The following STK25 variants were observed in gnomAD, a reference collection of about 807,000 sequenced individuals.
STK25 encodes serine/threonine kinase 25, also known as serine/threonine-protein kinase 25.
A neutral mutation model predicts 53.8 loss-of-function variants in STK25; 29 were observed. That is an observed-to-expected ratio of 0.54 (90% confidence interval 0.40 to 0.74). The LOEUF (loss-of-function observed/expected upper bound fraction) is 0.74, where lower values mean the gene tolerates loss of function less well. STK25 is among the 30% of genes least tolerant of loss of function. STK25 has a pLI of 0.00. For missense variants in STK25, 420 were observed against 568.0 expected (o/e 0.74, Z 2.65); for synonymous variants, 247 against 238.3 (o/e 1.04, Z -0.33).
chr2:241,493,159 C>A lies in STK25; in HGVS notation c.*2503G>T. 8.5e-7 allele frequency: 1 copy of A among 1,170,568 alleles called. No individual in the cohort carries two copies. Among genetic ancestry groups the A allele is most frequent in the Non-Finnish European group, 1.3e-6 (1 of 793,356 alleles). The allele number at this position is 1,170,568 out of a possible 1,614,324, so 72.5% of individuals were successfully genotyped here. A position where few individuals can be genotyped will look rare whatever the true frequency, so the allele number is the denominator to read the frequency against. The stretch of plus-strand genomic sequence containing the variant: ...CCATGCTTTGCCCACACACCCTGTG[C>A]TGTGTGAACAGGGAAACTGGCTCCC... On this transcript the variant is annotated 3_prime_UTR_variant, in exon 12 of 12. Transcript: ENST00000316586.
chr2:241,493,967 A>G lies in STK25; in HGVS notation c.*1695T>C. 8.1e-7 allele frequency: 1 copy of G among 1,231,632 alleles called. No homozygotes were observed. Among genetic ancestry groups the G allele is most frequent in the Non-Finnish European group, 1.1e-6 (1 of 926,542 alleles). 76.3% of individuals were successfully genotyped at this position (1,231,632 alleles called of 1,614,324 possible). A position where few individuals can be genotyped will look rare whatever the true frequency, so the allele number is the denominator to read the frequency against. On this transcript the variant is annotated 3_prime_UTR_variant, in exon 12 of 12. Coordinates refer to ENST00000316586, the MANE Select transcript of STK25 (RefSeq NM_001271977.2). ...GTTGTTCTTGGGACAGTGTCTGAGC[A>G]CAAGATGGCTCACTGGTCTGATGGC...
At chr2:241,506,151 G>C (rs1043217686) in intron 2 of STK25, among the ~76,000 whole-genome samples, 4 of 152,230 alleles carry the variant, frequency 2.6e-5, no homozygotes, top group Non-Finnish European at 5.9e-5. Context: ...CACAGGCTAT[G>C]GGGGGAACGC....
rs776078005 is a variant in STK25 at position 241,498,998 on chromosome 2, G to A, written c.762C>T (p.Asp254=). The part of the protein sequence containing the change: ...KEFVEACLNK[D]PRFRPTAKEL... ...CAGAGGCGGGCCTTACGAATCGGGG[G>A]TCTTTGTTGAGGCAGGCCTCCACGA... is the stretch of plus-strand genomic sequence containing the variant. The change falls in exon 7 of 12, where the codon GAC becomes GAT. Residue 254 remains aspartate, a synonymous_variant. Transcript: ENST00000316586. The A allele has an allele frequency of 6.2e-7, 1 of 1,613,766 alleles. No homozygotes were observed. The highest frequency in any genetic ancestry group is 1.3e-5 in the African/African-American group (1 of 74,944).
At chr2:241,504,859 G>A (rs1007373251) in intron 2 of STK25, among the ~76,000 whole-genome samples, 5 of 151,728 alleles carry the variant, frequency 3.3e-5, no homozygotes, top group African/African-American at 4.8e-5. Flanking sequence ...AGGACCACCC[G>A]TTCCTAGCCC....
At chr2:241,499,724 T>G (rs1215606178) in intron 5 of STK25, 2 of 501,516 alleles carry the variant, frequency 4.0e-6, no homozygotes, top group Non-Finnish European at 7.3e-6. Flanking sequence ...ACCAAGGGTG[T>G]AGCCAACACG....
chr2:241,508,913 G>A (rs1364672743), upstream of STK25, among the ~76,000 whole-genome samples: 1 of 152,164 alleles, frequency 6.6e-6, no homozygotes, highest in Non-Finnish European at 1.5e-5. Context: ...CGTCGTCTCC[G>A]ACGTTACGGC....
In STK25 at chr2:241,501,529, G is replaced by T. The variant is rs762062324; in HGVS notation, c.210C>A (p.Leu70=). 9.3e-6 allele frequency: 15 copies of T among 1,614,002 alleles called. No homozygotes were observed. Among genetic ancestry groups the T allele is most frequent in the Non-Finnish European group, 1.1e-5 (13 of 1,180,052 alleles). The change falls in exon 3 of 12, where the codon CTC becomes CTA. Residue 70 remains leucine (L), a synonymous_variant. Coordinates refer to ENST00000316586, the MANE Select transcript of STK25 (RefSeq NM_001271977.2). The surrounding 1 kb of genome is among the most constrained non-coding windows in gnomAD (Gnocchi z 5.3). The part of the protein sequence containing the change: ...IEDIQQEITV[L]SQCDSPYITR... Reference sequence around the variant, plus strand: ...TGATGTAGGGGCTGTCGCACTGACTGAGGACAGTGATCTCCTGCTGGATGT... The same window carrying T: ...TGATGTAGGGGCTGTCGCACTGACTTAGGACAGTGATCTCCTGCTGGATGT...
At position 241,493,640 on chromosome 2, in the gene STK25, G is replaced by C; in HGVS notation, c.*2022C>G. On this transcript the variant is annotated 3_prime_UTR_variant, in exon 12 of 12. Coordinates refer to ENST00000316586, the MANE Select transcript of STK25 (RefSeq NM_001271977.2). ...GATGGCGTCTCCCTCTGTCACTCAG[G>C]CTGGAGTGCAGTGATACAATCTTGG... 1.7e-6 allele frequency: 1 copy of C among 593,074 alleles called. No homozygotes were observed. Among genetic ancestry groups the C allele is most frequent in the Non-Finnish European group, 3.0e-6 (1 of 334,746 alleles). 36.7% of individuals were successfully genotyped at this position (593,074 alleles called of 1,614,324 possible). A position where few individuals can be genotyped will look rare whatever the true frequency, so the allele number is the denominator to read the frequency against.
rs1296105536 is a variant in STK25, at chr2:241,498,692, C to G, written c.864G>C (p.Lys288Asn). 1.2e-6 allele frequency: 2 copies of G among 1,614,134 alleles called. No homozygotes were observed. Among genetic ancestry groups the G allele is most frequent in the South Asian group, 2.2e-5 (2 of 91,090 alleles). Residue 288 changes from lysine (K) to asparagine (N), a missense_variant, in exon 8 of 12, where the codon AAG (lysine) becomes AAC (asparagine). Lys to Asn is a moderately conservative substitution (Grantham distance 94). Transcript: ENST00000316586. ...CGCCATGCCCCTCTGACTTCCAGCG[C>G]TTATAGCGGTCGATGAGCTCCGTGA... ...SFLTELIDRY[K>N]RWKSEGHGEE...
chr2:241,499,133 G>A lies in STK25; in HGVS notation c.627C>T (p.Ala209=). 2 of 1,613,846 alleles carry A rather than the reference G, an allele frequency of 1.2e-6. No individual in the cohort carries two copies. Among genetic ancestry groups the A allele is most frequent in the Non-Finnish European group, 1.7e-6 (2 of 1,179,820 alleles). Residue 209 remains alanine (A), a synonymous_variant, in exon 7 of 12, where the codon GCC becomes GCT. Coordinates refer to ENST00000316586, the MANE Select transcript of STK25 (RefSeq NM_001271977.2). Reference sequence around the variant, plus strand: ...GGTCAGAGTTTGGAGGCTCCCCCTTGGCCAGCTCGATGGCTGTGATCCCCA... The same window carrying A: ...GGTCAGAGTTTGGAGGCTCCCCCTTAGCCAGCTCGATGGCTGTGATCCCCA... ...WSLGITAIEL[A]KGEPPNSDLH...
At chr2:241,507,891 CTCCT>C in intron 2 of STK25, 111 bp downstream of exon 2, 6 of 1,105,304 alleles carry the variant, frequency 5.4e-6, no homozygotes, top group Non-Finnish European at 7.9e-6. Context: ...ACGACGCGCG[CTCCT>C]TCCCTCACCC....
rs909877758 is a variant in STK25, at chr2:241,494,285, G to A, written c.*1377C>T. 6 of 427,094 alleles carry A rather than the reference G, an allele frequency of 1.4e-5. No homozygotes were observed. Among genetic ancestry groups the A allele is most frequent in the Non-Finnish European group, 2.1e-5 (5 of 236,980 alleles). 26.5% of individuals were successfully genotyped at this position (427,094 alleles called of 1,614,324 possible). On this transcript the variant is annotated 3_prime_UTR_variant, in exon 12 of 12. Transcript: ENST00000316586. This position sits in a 1 kb window ranked among gnomAD's most constrained non-coding sequence, Gnocchi z 4.9. Reference sequence around the variant, plus strand: ...TGGGCCTCATGTAACATCTGGGAGGGGCTTCATCCCCCCACCCAGGACCTA... The same window carrying A: ...TGGGCCTCATGTAACATCTGGGAGGAGCTTCATCCCCCCACCCAGGACCTA...
At chr2:241,502,527 C>A (rs977853005) in intron 2 of STK25, among the ~76,000 whole-genome samples, 4 of 152,146 alleles carry the variant, frequency 2.6e-5, no homozygotes, top group Non-Finnish European at 4.4e-5. Flanking sequence ...CACCTGAAGT[C>A]AGGAGTTCGC....
At chr2:241,506,387 A>G (rs1041385532) in intron 2 of STK25, among the ~76,000 whole-genome samples, 1 of 152,272 alleles carries the variant, frequency 6.6e-6, no homozygotes, top group Non-Finnish European at 1.5e-5. Flanking sequence ...CGATCGCACC[A>G]AGAACCAATA....
At chr2:241,498,933 G>A (rs759935682) in intron 7 of STK25, 56 bp downstream of exon 7, 57 of 1,611,402 alleles carry the variant, frequency 3.5e-5, no homozygotes, top group East Asian at 1.1e-4. Flanking sequence ...CACCCCAAGC[G>A]AACGCCCTCC....
chr2:241,498,094 A>G, intron 9 of STK25, 141 bp downstream of exon 9: 1 of 773,254 alleles, frequency 1.3e-6, no homozygotes, highest in East Asian at 2.6e-5. Flanking sequence ...CTAGTGCCAC[A>G]GTGGGCTTCA....
In STK25 at chr2:241,501,072, A is replaced by T. The variant is rs559562579; in HGVS notation, c.262-276T>A. On this transcript the variant is annotated intron_variant, in intron 3 of 11. Coordinates refer to ENST00000316586, the MANE Select transcript of STK25 (RefSeq NM_001271977.2). This position sits in a 1 kb window ranked among gnomAD's most constrained non-coding sequence, Gnocchi z 5.3. Reference sequence around the variant, plus strand: ...AAAACCAGGCTGCTGATCCAGTCCTACAGGGCTGGGAAGAGGGCATGGCTG... The same window carrying T: ...AAAACCAGGCTGCTGATCCAGTCCTTCAGGGCTGGGAAGAGGGCATGGCTG... The T allele has an allele frequency of 1.7e-6, 1 of 574,154 alleles. No individual in the cohort carries two copies. Among genetic ancestry groups the T allele is most frequent in the African/African-American group, 1.9e-5 (1 of 53,478 alleles). The allele number at this position is 574,154 out of a possible 1,614,324, so 35.6% of individuals were successfully genotyped here.
At chr2:241,506,232 C>G (rs1005414161) in intron 2 of STK25, among the ~76,000 whole-genome samples, 2 of 152,230 alleles carry the variant, frequency 1.3e-5, no homozygotes, top group African/African-American at 2.4e-5. Flanking sequence ...CAGGAGAAAA[C>G]CACAGCCCCT....
chr2:241,498,527 C>A lies in STK25; in HGVS notation c.917+112G>T, dbSNP rs1050645979. ...CTGCAGCCTTGAGGGGGTCCCTGCC[C>A]AACACTATATCTGGTCACCCTCACC... is the stretch of plus-strand genomic sequence containing the variant. On this transcript the variant is annotated intron_variant, in intron 8 of 11. Coordinates refer to ENST00000316586, the MANE Select transcript of STK25 (RefSeq NM_001271977.2). The A allele has an allele frequency of 5.7e-6, 8 of 1,410,978 alleles. No homozygotes were observed. The African/African-American group carries it at 8.6e-5, about 15-fold the overall frequency. 87.4% of individuals were successfully genotyped at this position (1,410,978 alleles called of 1,614,324 possible).
Sources: allele counts gnomAD v4.1 joint callset (sites outside exome capture counted in the v4.1 genomes callset), GRCh38; gene constraint gnomAD v4.1.1; non-coding constraint Gnocchi (gnomAD v3.1); transcripts MANE v1.5; gene names NCBI Gene and HGNC (gene_info 2026-07-23, HGNC 2026-07-21).